RSPH14: variants seen among roughly 807,000 people sequenced by gnomAD.
RSPH14 encodes the protein radial spoke head 14 homolog, also known as rhabdoid tumor deletion region gene 1.
RSPH14 carries 20 observed loss-of-function variants against 26.7 expected under a neutral mutation model. The observed-to-expected ratio is 0.75, with a 90% CI of 0.53 to 1.09. RSPH14 has a LOEUF of 1.09. Ranked by LOEUF, RSPH14 falls within the 50% of genes least tolerant of loss-of-function variation. The pLI is 0.00. For synonymous variants in RSPH14, 177 were observed against 189.3 expected (o/e 0.93, Z 0.53); for missense variants, 449 against 457.2 (o/e 0.98, Z 0.16).
rs372426854 is a variant in RSPH14 at position 23,102,544 on chromosome 22, AGG to A, written c.421+31480_421+31481del. On this transcript the variant is annotated intron_variant, in intron 4 of 6. Transcript: ENST00000216036. ...TTGCCCTGGGTAGGTCCTTGGTCAGAGGTCAGCCACAAGGCAAGAGGCGGCAG... is the reference window on the plus strand; with the variant it reads ...TTGCCCTGGGTAGGTCCTTGGTCAGATCAGCCACAAGGCAAGAGGCGGCAG... 5.3e-3 allele frequency among the ~76,000 whole-genome samples: 801 copies of A among 152,264 alleles called. 9 individuals carry two copies. Among genetic ancestry groups the A allele is most frequent in the African/African-American group, 0.017 (717 of 41,558 alleles).
chr22:23,072,942 T>C (rs535512780), intron 4 of RSPH14, among the ~76,000 whole-genome samples: 20 of 152,308 alleles, frequency 1.3e-4, no homozygotes, highest in Non-Finnish European at 2.6e-4. Context: ...GGTAACTGGA[T>C]TGACTTCACA....
At chr22:23,155,945 T>G in the RSPH14 span, 1 of 1,598,730 alleles carries the variant, frequency 6.3e-7, no homozygotes, top group Non-Finnish European at 8.5e-7. Context: ...ACCATTTCCC[T>G]TTCTTTCTCA....
intron 4 of RSPH14, among the ~76,000 whole-genome samples, chr22:23,106,644 T>C (rs912008882): frequency 1.3e-5 from 2 of 152,212 alleles, no homozygotes; most frequent in African/African-American, 2.4e-5. Flanking sequence ...GGATAACATG[T>C]GTGTGCTGGC....
the RSPH14 span, chr22:23,161,680 C>T: frequency 1.1e-6 from 1 of 944,006 alleles, no homozygotes; most frequent in South Asian, 1.6e-5. Context: ...AAGCTGTAGG[C>T]CCATGTTCCA....
intron 4 of RSPH14, among the ~76,000 whole-genome samples, chr22:23,128,881 C>T (rs1265092428): frequency 1.3e-5 from 2 of 152,316 alleles, no homozygotes; most frequent in South Asian, 2.1e-4. Flanking sequence ...ACATGCCAGG[C>T]GCCCTGCCAG....
chr22:23,146,779 A>G (rs999909314), upstream of RSPH14: 8 of 1,513,972 alleles, frequency 5.3e-6, no homozygotes, highest in Non-Finnish European at 7.1e-6. Context: ...AAGCAGGTGA[A>G]TCAAGGAGGT....
At chr22:23,096,964 G>A (rs994850300) in intron 4 of RSPH14, among the ~76,000 whole-genome samples, 2 of 152,242 alleles carry the variant, frequency 1.3e-5, no homozygotes, top group African/African-American at 4.8e-5. Flanking sequence ...TGAGAGTGGA[G>A]TTGCTGGAGA....
chr22:23,177,950 G>C, the RSPH14 span, among the ~76,000 whole-genome samples: 1 of 152,140 alleles, frequency 6.6e-6, no homozygotes, highest in Non-Finnish European at 1.5e-5. Flanking sequence ...CAGGCACGAG[G>C]CACCATGCCA....
chr22:23,128,414 G>T (rs1421167361), intron 4 of RSPH14, among the ~76,000 whole-genome samples: 2 of 152,174 alleles, frequency 1.3e-5, no homozygotes, highest in Non-Finnish European at 2.9e-5. Context: ...AGGGAGCCTG[G>T]GCTGGCAGCC....
Position 23,079,001 on chromosome 22 carries a change from C to A in RSPH14, c.422-14868G>T, listed in dbSNP as rs2068593908. On this transcript the variant is annotated intron_variant, in intron 4 of 6. Coordinates refer to ENST00000216036, the MANE Select transcript of RSPH14 (RefSeq NM_014433.3). ...AGTCCCCAACTATCCCCTCCGTGAG[C>A]CACGTTGACCGATTCCTCACTCAGT... is the stretch of plus-strand genomic sequence containing the variant. Among the ~76,000 whole-genome samples the A allele has an allele frequency of 2.0e-5, 3 of 152,310 alleles. No homozygotes were observed. In the South Asian group the frequency reaches 6.2e-4, roughly 32 times the overall value.
intron 4 of RSPH14, among the ~76,000 whole-genome samples, chr22:23,111,811 T>C (rs916205032): frequency 7.2e-5 from 11 of 152,166 alleles, no homozygotes; most frequent in African/African-American, 2.7e-4. Flanking sequence ...TAACCCTGTT[T>C]GTGACAGCCC....
chr22:23,153,749 T>G, the RSPH14 span: 1 of 626,334 alleles, frequency 1.6e-6, no homozygotes, highest in Non-Finnish European at 1.9e-6. Flanking sequence ...CAGGCTGGAG[T>G]GCAGTGGCGC....
chr22:23,087,938 G>T (rs1182627244), intron 4 of RSPH14, among the ~76,000 whole-genome samples: 1 of 152,178 alleles, frequency 6.6e-6, no homozygotes. Context: ...TAATCTTGTG[G>T]CTAATGTGAG....
At chr22:23,123,637 G>A (rs2070094557) in intron 4 of RSPH14, 4 of 579,426 alleles carry the variant, frequency 6.9e-6, no homozygotes, top group African/African-American at 1.9e-5. Context: ...ACACACACAT[G>A]CACACACACA....
At chr22:23,168,082 G>T in the RSPH14 span, among the ~76,000 whole-genome samples, 1 of 152,010 alleles carries the variant, frequency 6.6e-6, no homozygotes, top group Non-Finnish European at 1.5e-5. Context: ...ATTCTTACTT[G>T]TTCATGCATT....
the RSPH14 span, chr22:23,160,982 C>T: frequency 6.2e-7 from 1 of 1,611,784 alleles, no homozygotes; most frequent in Non-Finnish European, 8.5e-7. Context: ...TCCAGGTCGG[C>T]AATGGAGACC....
intron 6 of RSPH14, among the ~76,000 whole-genome samples, chr22:23,060,970 GCAGGGGGAGCCCCTGCCACCGTGCAGT>G (rs1378961428): frequency 1.3e-5 from 2 of 152,120 alleles, no homozygotes; most frequent in Non-Finnish European, 2.9e-5. Flanking sequence ...AGATAAACAC[GCAGGGGGAGCCCCTGCCACCGTGCAGT>G]CAGCATCCTG....
the RSPH14 span, among the ~76,000 whole-genome samples, chr22:23,153,879 G>A: frequency 6.6e-6 from 1 of 151,840 alleles, no homozygotes; most frequent in South Asian, 2.1e-4. Context: ...AGTAGAGATG[G>A]GGTTTTACTA....
intron 3 of RSPH14, among the ~76,000 whole-genome samples, chr22:23,138,074 C>T (rs1248192043): frequency 6.6e-6 from 1 of 152,094 alleles, no homozygotes; most frequent in Non-Finnish European, 1.5e-5. Flanking sequence ...AGAACTCAGC[C>T]ATCATGAACA....
Sources: gnomAD v4.1 joint callset for allele counts (sites outside exome capture counted in the v4.1 genomes callset) on GRCh38, gnomAD v4.1.1 for gene constraint, MANE v1.5 for transcripts, NCBI Gene and HGNC (gene_info 2026-07-23, HGNC 2026-07-21) for gene names.